The following NAT10 variants were observed in gnomAD, a reference collection of about 807,000 sequenced individuals.
NAT10 encodes the protein RNA cytidine acetyltransferase.
A neutral mutation model predicts 132.2 loss-of-function variants in NAT10; 109 were observed. That is an observed-to-expected ratio of 0.82 (90% CI 0.71 to 0.97). The LOEUF is 0.97. NAT10 is among the 50% of genes least tolerant of loss of function. NAT10 has a pLI of 0.00. For synonymous variants in NAT10, 479 were observed against 478.0 expected, an observed-to-expected ratio of 1.00 and a Z score of -0.03; for missense variants, 1,184 against 1,263.4, an observed-to-expected ratio of 0.94 and a Z score of 0.95.
intron 8 of NAT10, among the ~76,000 whole-genome samples, chr11:34,122,031 C>G (rs1851904075): frequency 6.6e-6 from 1 of 151,926 alleles, no homozygotes. Flanking sequence ...TAAAAACTAG[C>G]TGGGCGTGGT....
At chr11:34,110,559 C>CTTTTTTTTT (rs948109196) in intron 3 of NAT10, among the ~76,000 whole-genome samples, 2 of 101,742 alleles carry the variant, frequency 2.0e-5, no homozygotes, top group Non-Finnish European at 3.8e-5. Flanking sequence ...TTTTCTTTCC[C>CTTTTTTTTT]TTTTTTTTTT....
At chr11:34,127,681 C>G in intron 12 of NAT10, 82 bp downstream of exon 12, 1 of 1,497,366 alleles carries the variant, frequency 6.7e-7, no homozygotes, top group East Asian at 2.3e-5. Context: ...TGGCCTGGGC[C>G]TGGACAGCCA....
Position 34,140,258 on chromosome 11 carries a change from C to T in NAT10, c.2420-142C>T, listed in dbSNP as rs763615736. The T allele has an allele frequency of 3.5e-5, 27 of 762,764 alleles. No individual in the cohort carries two copies. The Admixed American group carries it at 5.5e-4, about 16-fold the overall frequency. 47.2% of individuals were successfully genotyped at this position (762,764 alleles called of 1,614,324 possible). ...TTCTATGGCAGGAGCAGGTTTGGTGCCCCTCTGGGCCAGGGCTGTGTGGTA... is the reference window on the plus strand; with the variant it reads ...TTCTATGGCAGGAGCAGGTTTGGTGTCCCTCTGGGCCAGGGCTGTGTGGTA... On this transcript the variant is annotated intron_variant, in intron 23 of 28. Coordinates refer to ENST00000257829, the MANE Select transcript of NAT10 (RefSeq NM_024662.3).
chr11:34,133,723 C>G (rs1199348757), intron 16 of NAT10, among the ~76,000 whole-genome samples: 1 of 152,184 alleles, frequency 6.6e-6, no homozygotes, highest in Admixed American at 6.5e-5. Context: ...CATGAGCATC[C>G]TGTGTCTTGA....
intron 16 of NAT10, 118 bp downstream of exon 16, chr11:34,133,260 C>T: frequency 1.2e-6 from 1 of 814,912 alleles, no homozygotes; most frequent in South Asian, 1.5e-5. Context: ...TGGTCTGGAA[C>T]CAAGGGGCTG....
intron 5 of NAT10, among the ~76,000 whole-genome samples, chr11:34,114,481 T>C (rs2957481): frequency 0.88 from 133,780 of 152,246 alleles, 59,019 homozygotes; most frequent in East Asian, 1. Flanking sequence ...CTGAGCTGCA[T>C]TTATCTGATG....
At chr11:34,139,709 G>A (rs1852286350) in intron 23 of NAT10, among the ~76,000 whole-genome samples, 3 of 152,194 alleles carry the variant, frequency 2.0e-5, no homozygotes, top group Admixed American at 6.5e-5. Flanking sequence ...GCAATTTAAT[G>A]TCAGAGGTGT....
At chr11:34,128,357 C>CAAAACA (rs1190548025) in intron 12 of NAT10, among the ~76,000 whole-genome samples, 1 of 63,740 alleles carries the variant, frequency 1.6e-5, no homozygotes, top group Non-Finnish European at 3.3e-5. Flanking sequence ...GTCTCAAAAA[C>CAAAACA]AAAACAAAAA....
At chr11:34,108,653 G>C in intron 2 of NAT10, 89 bp from the exon 3 acceptor site, 1 of 1,261,266 alleles carries the variant, frequency 7.9e-7, no homozygotes, top group Non-Finnish European at 1.1e-6. Flanking sequence ...CCTCAGTTTA[G>C]TTTCCACATC....
chr11:34,130,757 C>T (rs199864167), intron 12 of NAT10, 56 bp from the exon 13 acceptor site: 2 of 1,606,518 alleles, frequency 1.2e-6, no homozygotes, highest in Non-Finnish European at 1.7e-6. Context: ...TCTCTGTCCC[C>T]TCCTAGACAG....
intron 26 of NAT10, 78 bp from the exon 27 acceptor site, chr11:34,142,197 C>G: frequency 1.5e-6 from 2 of 1,348,082 alleles, no homozygotes; most frequent in Non-Finnish European, 2.1e-6. Context: ...TGTGCCATTC[C>G]ACCCCAGCTT....
At chr11:34,132,365 G>C (rs890679055) in intron 15 of NAT10, 144 bp downstream of exon 15, 1 of 725,546 alleles carries the variant, frequency 1.4e-6, no homozygotes, top group African/African-American at 1.7e-5. Flanking sequence ...TGATCTTGCT[G>C]TGTGTAGGTA....
intron 14 of NAT10, 136 bp from the exon 15 acceptor site, chr11:34,131,988 TC>T: frequency 1.4e-6 from 1 of 712,926 alleles, no homozygotes; most frequent in East Asian, 2.5e-5. Context: ...CTGGCCCTCT[TC>T]TTCCTTCTTT....
chr11:34,118,539 A>G (rs1851826299), intron 8 of NAT10, 36 bp downstream of exon 8: 3 of 1,555,794 alleles, frequency 1.9e-6, no homozygotes, highest in East Asian at 2.3e-5. Context: ...ACACAAAGGT[A>G]GTAAAACATA....
intron 6 of NAT10, among the ~76,000 whole-genome samples, chr11:34,116,303 A>G (rs1177672542): frequency 6.6e-6 from 1 of 152,238 alleles, no homozygotes; most frequent in Non-Finnish European, 1.5e-5. Context: ...GTGAGATGTA[A>G]TTAGAGGCAG....
rs746018093 is a variant in NAT10 at position 34,108,815 on chromosome 11, A to C, written c.182A>C (p.Lys61Thr). Residue 61 changes from lysine to threonine, a missense_variant, in exon 3 of 29, where the codon AAA (lysine) becomes ACA (threonine). Transcript: ENST00000257829. Reference protein sequence around the residue: ...ARPSVLWCYKKELGFSSHRKK... With the variant: ...ARPSVLWCYKTELGFSSHRKK... ...CCTTCAGTGCTGTGGTGTTATAAGA[A>C]AGAGCTGGGGTTTAGCAGGTAAGCT... 3 of 1,613,868 alleles carry C rather than the reference A, an allele frequency of 1.9e-6. No homozygotes were observed. The South Asian group carries it at 3.3e-5, about 18-fold the overall frequency.
chr11:34,123,651 C>G (rs1256804032), intron 9 of NAT10, 111 bp from the exon 10 acceptor site: 1 of 759,384 alleles, frequency 1.3e-6, no homozygotes. Flanking sequence ...TTGCTGTTAC[C>G]TCTGGTTATC....
chr11:34,143,509 T>C lies in NAT10; in HGVS notation c.2950T>C (p.Ser984Pro). 1 of 1,614,112 alleles carries C rather than the reference T, an allele frequency of 6.2e-7. No individual in the cohort carries two copies. The highest frequency in any genetic ancestry group is 2.2e-5 in the East Asian group (1 of 44,888). The change falls in exon 28 of 29, where the codon TCG (serine) becomes CCG (proline). Residue 984 changes from serine (S) to proline (P), a missense_variant. By Grantham distance (74) the Ser-to-Pro change is moderately conservative. Coordinates refer to ENST00000257829, the MANE Select transcript of NAT10 (RefSeq NM_024662.3). ...EVLNKAGPNA[S>P]IISLKSDKKR... ...TTTGAACAAAGCTGGGCCGAACGCC[T>C]CGATCATCAGCCTGAAAAGGTGAGG... is the stretch of plus-strand genomic sequence containing the variant.
chr11:34,140,435 C>A lies in NAT10; in HGVS notation c.2455C>A (p.Pro819Thr). 1 of 1,614,072 alleles carries A rather than the reference C, an allele frequency of 6.2e-7. No homozygotes were observed. The highest frequency in any genetic ancestry group is 8.5e-7 in the Non-Finnish European group (1 of 1,179,954). Residue 819 changes from proline to threonine, a missense_variant, in exon 24 of 29, where the codon CCC becomes ACC. Coordinates refer to ENST00000257829, the MANE Select transcript of NAT10 (RefSeq NM_024662.3). ...SREELEALFL[P>T]YDLKRLEMYS... ...GGAGGAGCTGGAAGCACTCTTCCTC[C>A]CCTATGACCTGAAGCGGCTGGAGAT...
Sources: gnomAD v4.1 joint callset for allele counts (sites outside exome capture counted in the v4.1 genomes callset) on GRCh38, gnomAD v4.1.1 for gene constraint, MANE v1.5 for transcripts, NCBI Gene and HGNC (gene_info 2026-07-23, HGNC 2026-07-21) for gene names.